The following AOAH variants were observed in gnomAD, a reference collection of about 807,000 sequenced individuals.
The protein encoded by AOAH is acyloxyacyl hydrolase.
A neutral mutation model predicts 92.2 loss-of-function variants in AOAH; 64 were observed. The observed-to-expected ratio is 0.69, with a 90% CI of 0.57 to 0.86. AOAH has a LOEUF of 0.86. Among genes scored for constraint, AOAH ranks in the 40% least tolerant of loss-of-function variants. The pLI is 0.00. For synonymous variants in AOAH, 263 were observed against 254.5 expected (o/e 1.03, Z -0.32); for missense variants, 656 against 694.6 (o/e 0.94, Z 0.62).
At chr7:36,613,627 T>C (rs1368655159) in intron 11 of AOAH, among the ~76,000 whole-genome samples, 1 of 152,214 alleles carries the variant, frequency 6.6e-6, no homozygotes, top group Non-Finnish European at 1.5e-5. Flanking sequence ...AGTTCCAGAA[T>C]TTCCCCAGCT....
chr7:36,586,837 T>C (rs1428128302), intron 12 of AOAH, among the ~76,000 whole-genome samples: 1 of 152,198 alleles, frequency 6.6e-6, no homozygotes, highest in Non-Finnish European at 1.5e-5. Context: ...AAAACAAATA[T>C]ATGTTTTCCA....
At chr7:36,604,298 A>G (rs1790823432) in intron 11 of AOAH, among the ~76,000 whole-genome samples, 1 of 152,224 alleles carries the variant, frequency 6.6e-6, no homozygotes, top group Non-Finnish European at 1.5e-5. Flanking sequence ...TGGTAAGCAC[A>G]TGGTAATATT....
At chr7:36,630,269 G>A (rs1033578265) in intron 6 of AOAH, among the ~76,000 whole-genome samples, 1 of 152,172 alleles carries the variant, frequency 6.6e-6, no homozygotes, top group African/African-American at 2.4e-5. Flanking sequence ...CGCAGACATA[G>A]GAAGCTATAG....
chr7:36,634,025 C>T (rs938605032), intron 5 of AOAH, among the ~76,000 whole-genome samples: 4 of 151,930 alleles, frequency 2.6e-5, no homozygotes, highest in East Asian at 3.9e-4. Flanking sequence ...AATATTGCCA[C>T]GAGTTGGGAA....
chr7:36,691,662 C>T (rs969212532), intron 1 of AOAH, among the ~76,000 whole-genome samples: 2 of 152,142 alleles, frequency 1.3e-5, no homozygotes, highest in African/African-American at 4.8e-5. Context: ...TTTTGGCACC[C>T]ATGGAATGGA....
chr7:36,541,391 C>T (rs748847998), intron 15 of AOAH, among the ~76,000 whole-genome samples: 1 of 152,176 alleles, frequency 6.6e-6, no homozygotes, highest in African/African-American at 2.4e-5. Context: ...AAAATCAAAG[C>T]ATGTCAGACA....
intron 13 of AOAH, among the ~76,000 whole-genome samples, chr7:36,566,967 C>G (rs909849873): frequency 6.6e-6 from 1 of 152,056 alleles, no homozygotes; most frequent in Non-Finnish European, 1.5e-5. Context: ...CACCACCAAG[C>G]CTGTCTAATT....
intron 15 of AOAH, among the ~76,000 whole-genome samples, chr7:36,543,067 C>A (rs972501559): frequency 1.1e-4 from 17 of 152,138 alleles, no homozygotes; most frequent in African/African-American, 4.1e-4. Context: ...TCGCTAGAGT[C>A]TCTTAAGGGG....
At chr7:36,535,054 C>CTG (rs143195139) in intron 16 of AOAH, among the ~76,000 whole-genome samples, 138,539 of 143,668 alleles carry the variant, frequency 0.96, 66,875 homozygotes, top group Non-Finnish European at 0.99. Flanking sequence ...GTGTATGTGT[C>CTG]TGTGTGTGTG....
At chr7:36,717,332 C>T (rs986050531) in intron 1 of AOAH, among the ~76,000 whole-genome samples, 8 of 152,158 alleles carry the variant, frequency 5.3e-5, no homozygotes, top group African/African-American at 7.2e-5. Context: ...TATCCCCTCA[C>T]GCCATGAGCC....
chr7:36,589,097 C>T (rs1789561502), intron 12 of AOAH, among the ~76,000 whole-genome samples: 1 of 152,060 alleles, frequency 6.6e-6, no homozygotes, highest in Admixed American at 6.6e-5. Flanking sequence ...ATCCTTATCA[C>T]TTATCCTTGT....
chr7:36,694,809 A>G (rs990391382), intron 1 of AOAH, among the ~76,000 whole-genome samples: 2 of 152,218 alleles, frequency 1.3e-5, no homozygotes, highest in African/African-American at 2.4e-5. Flanking sequence ...ACATAAAAAG[A>G]TATAGAGAAT....
At chr7:36,721,496 C>T (rs1376875539) in intron 1 of AOAH, among the ~76,000 whole-genome samples, 3 of 152,180 alleles carry the variant, frequency 2.0e-5, no homozygotes, top group Admixed American at 2.0e-4. Context: ...CACCTTCAGC[C>T]CCTGTCTCAG....
chr7:36,615,392 G>A (rs911022452), intron 11 of AOAH, among the ~76,000 whole-genome samples: 4 of 152,118 alleles, frequency 2.6e-5, no homozygotes, highest in African/African-American at 7.2e-5. Context: ...CGGAACTTTC[G>A]AACAAGGTTT....
chr7:36,517,392 G>A (rs1451158181), intron 20 of AOAH, among the ~76,000 whole-genome samples: 1 of 151,584 alleles, frequency 6.6e-6, no homozygotes, highest in Non-Finnish European at 1.5e-5. Flanking sequence ...CCAGGTTCAA[G>A]CAATTCTCTT....
intron 15 of AOAH, among the ~76,000 whole-genome samples, chr7:36,541,471 G>A (rs1785419534): frequency 6.6e-6 from 1 of 152,200 alleles, no homozygotes; most frequent in Non-Finnish European, 1.5e-5. Flanking sequence ...TTGAATTTAA[G>A]CTGATTGACT....
At chr7:36,629,246 T>TAAAAG (rs1792893826) in intron 6 of AOAH, among the ~76,000 whole-genome samples, 1 of 152,234 alleles carries the variant, frequency 6.6e-6, no homozygotes, top group South Asian at 2.1e-4. Flanking sequence ...TGCTTTTTCA[T>TAAAAG]AAAAGAATAA....
chr7:36,618,579 G>A (rs2057087450), intron 9 of AOAH, among the ~76,000 whole-genome samples: 1 of 152,228 alleles, frequency 6.6e-6, no homozygotes, highest in African/African-American at 2.4e-5. Context: ...CATTCAGGGA[G>A]ATGCTGGGTA....
At chr7:36,606,476 G>A (rs749925023) in intron 11 of AOAH, among the ~76,000 whole-genome samples, 12 of 152,158 alleles carry the variant, frequency 7.9e-5, no homozygotes, top group African/African-American at 1.2e-4. Context: ...GCCAGGGGTC[G>A]TGCAAAGATT....
Sources: allele counts gnomAD v4.1 joint callset (sites outside exome capture counted in the v4.1 genomes callset), GRCh38; gene constraint gnomAD v4.1.1; transcripts MANE v1.5; gene names NCBI Gene and HGNC (gene_info 2026-07-23, HGNC 2026-07-21).